Variants in IRF2 observed in about 807,000 individuals in gnomAD.
The protein encoded by IRF2 is interferon regulatory factor 2.
In IRF2, 15 loss-of-function variants were observed where a neutral mutation model predicts 40.6. The observed-to-expected ratio is 0.37, with a 90% CI of 0.25 to 0.57. The LOEUF (loss-of-function observed/expected upper bound fraction) is 0.57, where lower values mean the gene tolerates loss of function less well. Among genes scored for constraint, IRF2 ranks in the 20% least tolerant of loss-of-function variants. The probability of loss-of-function intolerance (pLI) is 0.77; values close to 1 mark genes in which losing one functional copy is unlikely to be tolerated. For missense variants in IRF2, 317 were observed against 455.7 expected (o/e 0.70, Z 2.77); for synonymous variants, 151 against 165.5 (o/e 0.91, Z 0.67).
intron 6 of IRF2, among the ~76,000 whole-genome samples, chr4:184,404,943 C>A (rs1455816592): frequency 6.6e-6 from 1 of 152,224 alleles, no homozygotes; most frequent in East Asian, 1.9e-4. Context: ...GGATGTATCC[C>A]AGTAAAAACT....
intron 6 of IRF2, among the ~76,000 whole-genome samples, chr4:184,407,013 T>C (rs1736882921): frequency 6.6e-6 from 1 of 152,226 alleles, no homozygotes; most frequent in Non-Finnish European, 1.5e-5. Flanking sequence ...ATAGACTCTC[T>C]GGTTTCATAG....
At chr4:184,465,649 T>G (rs900231805) in intron 1 of IRF2, among the ~76,000 whole-genome samples, 6 of 152,232 alleles carry the variant, frequency 3.9e-5, no homozygotes. Flanking sequence ...TCATAAATAT[T>G]TTCCCATCAC....
At chr4:184,466,060 G>GTTTTTTTTTTTT in intron 1 of IRF2, among the ~76,000 whole-genome samples, 1 of 109,684 alleles carries the variant, frequency 9.1e-6, no homozygotes, top group Admixed American at 1.0e-4. Flanking sequence ...GTTGTTTTTT[G>GTTTTTTTTTTTT]TTTTTTGTTT....
At chr4:184,440,251 C>T (rs771498461) in intron 1 of IRF2, among the ~76,000 whole-genome samples, 5 of 152,228 alleles carry the variant, frequency 3.3e-5, no homozygotes, top group Admixed American at 2.6e-4. Flanking sequence ...TCCATGCTCC[C>T]GCGGCAGCCT....
At chr4:184,396,436 C>CT (rs749998648) in intron 7 of IRF2, among the ~76,000 whole-genome samples, 1,653 of 134,694 alleles carry the variant, frequency 0.012, 18 homozygotes, top group Non-Finnish European at 0.018. Flanking sequence ...ATTTTTTTTT[C>CT]TTTTTTTTTT....
chr4:184,413,513 A>G lies in IRF2; in HGVS notation c.411+4654T>C, dbSNP rs954913953. On this transcript the variant is annotated intron_variant, in intron 5 of 8. Transcript: ENST00000393593. This position sits in a 1 kb window ranked among gnomAD's most constrained non-coding sequence, Gnocchi z 4.2. ...CAACTAGTGAAGGGATCACTCCAGT[A>G]GCAGCCCTGCCAGGGAGTGTGCTGT... Among the ~76,000 whole-genome samples, 3 of 152,246 alleles carry G rather than the reference A, an allele frequency of 2.0e-5. No homozygotes were observed. The highest frequency in any genetic ancestry group is 7.2e-5 in the African/African-American group (3 of 41,470).
chr4:184,452,508 C>T (rs72703797), intron 1 of IRF2, among the ~76,000 whole-genome samples: 5,184 of 152,214 alleles, frequency 0.034, 103 homozygotes, highest in Middle Eastern at 0.092. Flanking sequence ...TGGAGCTCTG[C>T]GGCACTGCCT....
At chr4:184,412,144 C>T (rs1561094368) in intron 5 of IRF2, among the ~76,000 whole-genome samples, 2 of 151,942 alleles carry the variant, frequency 1.3e-5, no homozygotes, top group African/African-American at 2.4e-5. Flanking sequence ...GGTGCATGAA[C>T]TCCGCCAAAC....
intron 1 of IRF2, among the ~76,000 whole-genome samples, chr4:184,429,348 G>A (rs893938173): frequency 6.6e-6 from 1 of 152,196 alleles, no homozygotes; most frequent in African/African-American, 2.4e-5. Flanking sequence ...TCCTCCCCAG[G>A]AATTTGCCTA....
chr4:184,422,511 A>G (rs1472883356), intron 2 of IRF2, among the ~76,000 whole-genome samples: 1 of 152,264 alleles, frequency 6.6e-6, no homozygotes, highest in Admixed American at 6.5e-5. Flanking sequence ...TCAAAAGCCA[A>G]AAGATGGAAA....
At chr4:184,396,402 C>A (rs1736459661) in intron 7 of IRF2, among the ~76,000 whole-genome samples, 1 of 151,734 alleles carries the variant, frequency 6.6e-6, no homozygotes, top group Non-Finnish European at 1.5e-5. Context: ...TCTACCCACG[C>A]CAGCCGCAGA....
chr4:184,416,347 A>G (rs1737274187), intron 5 of IRF2, among the ~76,000 whole-genome samples: 1 of 151,154 alleles, frequency 6.6e-6, no homozygotes, highest in African/African-American at 2.4e-5. Flanking sequence ...AAAAAAACGA[A>G]AAAAAAAACT....
chr4:184,426,156 C>T (rs1008154984), intron 2 of IRF2, among the ~76,000 whole-genome samples: 6 of 152,322 alleles, frequency 3.9e-5, no homozygotes, highest in African/African-American at 9.6e-5. Context: ...GCTGGGATTA[C>T]AGGCACCTGC....
At chr4:184,420,393 C>G (rs1263600666) in intron 2 of IRF2, among the ~76,000 whole-genome samples, 1 of 152,190 alleles carries the variant, frequency 6.6e-6, no homozygotes, top group Admixed American at 6.5e-5. Flanking sequence ...GCTTGTGCAT[C>G]CAACAGAAAT....
At chr4:184,430,606 A>G (rs1330406805) in intron 1 of IRF2, among the ~76,000 whole-genome samples, 1 of 152,182 alleles carries the variant, frequency 6.6e-6, no homozygotes. Flanking sequence ...AAAGTCTTTC[A>G]TCTTATCCCT....
intron 7 of IRF2, among the ~76,000 whole-genome samples, chr4:184,393,532 C>T (rs1175625720): frequency 6.6e-6 from 1 of 152,174 alleles, no homozygotes; most frequent in Non-Finnish European, 1.5e-5. Flanking sequence ...GTAAGGCTCC[C>T]GGGTAAGACC....
At chr4:184,415,966 A>G (rs1273761069) in intron 5 of IRF2, among the ~76,000 whole-genome samples, 1 of 152,194 alleles carries the variant, frequency 6.6e-6, no homozygotes, top group Non-Finnish European at 1.5e-5. Context: ...ATTCTCACAC[A>G]TGTGTGAGAA....
At chr4:184,465,994 T>A (rs1445801624) in intron 1 of IRF2, among the ~76,000 whole-genome samples, 1 of 152,104 alleles carries the variant, frequency 6.6e-6, no homozygotes, top group Non-Finnish European at 1.5e-5. Flanking sequence ...CCCCACTCAG[T>A]GACCCACACT....
In IRF2 at chr4:184,388,634, C is replaced by G. The variant is rs1267034049; in HGVS notation, c.*124G>C. 4.0e-6 allele frequency: 4 copies of G among 994,352 alleles called. No homozygotes were observed. The highest frequency in any genetic ancestry group is 6.0e-6 in the Non-Finnish European group (4 of 666,388). 61.6% of individuals were successfully genotyped at this position (994,352 alleles called of 1,614,324 possible). ...GGAGTTGGACACAGCAATCAATGTT[C>G]TATTGTCAAGGCTTTTTCCCTTAGA... is the stretch of plus-strand genomic sequence containing the variant. On this transcript the variant is annotated 3_prime_UTR_variant, in exon 9 of 9. Transcript: ENST00000393593. This position sits in a 1 kb window ranked among gnomAD's most constrained non-coding sequence, Gnocchi z 4.6.
Sources: allele counts gnomAD v4.1 joint callset (sites outside exome capture counted in the v4.1 genomes callset), GRCh38; gene constraint gnomAD v4.1.1; non-coding constraint Gnocchi (gnomAD v3.1); transcripts MANE v1.5; gene names NCBI Gene and HGNC (gene_info 2026-07-23, HGNC 2026-07-21).